The following CD276 variants were observed in gnomAD, a reference collection of about 807,000 sequenced individuals.
CD276 encodes CD276 molecule.
In CD276, 34 loss-of-function variants were observed where a neutral mutation model predicts 50.0. The ratio of observed to expected loss-of-function variants is 0.68; its 90% CI spans 0.52 to 0.91. CD276 has a LOEUF of 0.91. Ranked by LOEUF, CD276 falls within the 40% of genes least tolerant of loss-of-function variation. The pLI, the probability that CD276 is intolerant of heterozygous loss-of-function variation, is 0.00. For synonymous variants in CD276, 275 were observed against 313.0 expected (o/e 0.88, Z 1.28); for missense variants, 634 against 717.5 (o/e 0.88, Z 1.33).
Position 73,713,020 on chromosome 15 carries a change from G to A in CD276, c.*64G>A. The stretch of plus-strand genomic sequence containing the variant: ...CCTACCCTCTGGCTGCAATGGGGCT[G>A]CACTGTGAGCCCTGCCCCCAACAGA... On this transcript the variant is annotated 3_prime_UTR_variant, in exon 10 of 10. Coordinates refer to ENST00000318443, the MANE Select transcript of CD276 (RefSeq NM_001024736.2). 6.7e-7 allele frequency: 1 copy of A among 1,486,740 alleles called. No individual in the cohort carries two copies. Among genetic ancestry groups the A allele is most frequent in the Non-Finnish European group, 9.3e-7 (1 of 1,071,146 alleles). 92.1% of individuals were successfully genotyped at this position (1,486,740 alleles called of 1,614,324 possible). A position where few individuals can be genotyped will look rare whatever the true frequency, so the allele number is the denominator to read the frequency against.
intron 8 of CD276, 110 bp downstream of exon 8, chr15:73,709,799 A>G: frequency 2.6e-6 from 3 of 1,142,084 alleles, no homozygotes; most frequent in Non-Finnish European, 3.8e-6. Flanking sequence ...TTTGAATGAA[A>G]TGTGTTCTGT....
chr15:73,685,010 GA>G, intron 1 of CD276: 1 of 152,570 alleles, frequency 6.6e-6, no homozygotes, highest in Non-Finnish European at 1.5e-5. Context: ...CCAGCAGGGC[GA>G]AGGTGTGGGC....
intron 8 of CD276, among the ~76,000 whole-genome samples, chr15:73,710,443 G>C (rs1320672837): frequency 6.6e-6 from 1 of 152,194 alleles, no homozygotes; most frequent in African/African-American, 2.4e-5. Flanking sequence ...GCCCAGCTTG[G>C]GTGGGTGCCA....
intron 2 of CD276, among the ~76,000 whole-genome samples, chr15:73,700,875 G>A (rs868317539): frequency 2.6e-3 from 13 of 4,928 alleles, no homozygotes; most frequent in Non-Finnish European, 6.4e-3. Flanking sequence ...GGGTGGGGGG[G>A]TTCGCTTCCC....
chr15:73,702,205 C>A (rs1349982592), intron 2 of CD276, 50 bp from the exon 3 acceptor site: 2 of 1,430,506 alleles, frequency 1.4e-6, no homozygotes, highest in South Asian at 2.7e-5. Context: ...CTAGGGAGGC[C>A]CACCCCTCCT....
rs1424424366 is a variant in CD276, at chr15:73,704,662, T to C, written c.1369+190T>C. On this transcript the variant is annotated intron_variant, in intron 6 of 9. Coordinates refer to ENST00000318443, the MANE Select transcript of CD276 (RefSeq NM_001024736.2). The surrounding 1 kb of genome is among the most constrained non-coding windows in gnomAD (Gnocchi z 4.1). Reference sequence around the variant, plus strand: ...GCTGATAAGAACCATTTATAATGTTTGCCTTCCTAAGAGTGCTTTTCGTGG... The same window carrying C: ...GCTGATAAGAACCATTTATAATGTTCGCCTTCCTAAGAGTGCTTTTCGTGG... Among the ~76,000 whole-genome samples the C allele has an allele frequency of 1.3e-5, 2 of 152,216 alleles. No homozygotes were observed. Among genetic ancestry groups the C allele is most frequent in the South Asian group, 2.1e-4 (1 of 4,832 alleles).
intron 7 of CD276, 116 bp from the exon 8 acceptor site, chr15:73,709,532 G>C: frequency 1.0e-6 from 1 of 994,840 alleles, no homozygotes; most frequent in Non-Finnish European, 1.6e-6. Flanking sequence ...TTGGTCCGCA[G>C]GTCAGGCCCA....
At position 73,703,058 on chromosome 15, in the gene CD276, C is replaced by T. The variant is rs376623449; in HGVS notation, c.705C>T (p.Val235=). The T allele has an allele frequency of 1.7e-5, 27 of 1,609,618 alleles. No individual in the cohort carries two copies. In the African/African-American group the frequency reaches 3.3e-4, roughly 20 times the overall value. The change falls in exon 4 of 10, where the codon GTC becomes GTT. Residue 235 remains valine, a synonymous_variant. Transcript: ENST00000318443. ...TGCAGCAGGATGCGCACAGCTCTGT[C>T]ACCATCACACCCCAGAGAAGCCCCA... ...PVLQQDAHSS[V]TITPQRSPTG...
chr15:73,699,120 G>C (rs1442581481), intron 1 of CD276, among the ~76,000 whole-genome samples: 1 of 152,142 alleles, frequency 6.6e-6, no homozygotes, highest in Non-Finnish European at 1.5e-5. Context: ...AGCTCTGACC[G>C]TGTATTTCCC....
Position 73,699,846 on chromosome 15 carries a change from C to T in CD276, c.79+128C>T, listed in dbSNP as rs76067641. ...TAGCAGGGCCATACCTTACTTCCAC[C>T]TGTGGGATCCAGTAGGCAACTCACG... is the stretch of plus-strand genomic sequence containing the variant. On this transcript the variant is annotated intron_variant, in intron 2 of 9. Transcript: ENST00000318443. 9.8e-4 allele frequency: 1,092 copies of T among 1,119,276 alleles called. 5 individuals are homozygous for T. In the African/African-American group the frequency reaches 0.015, roughly 16 times the overall value. The allele number at this position is 1,119,276 out of a possible 1,614,324, so 69.3% of individuals were successfully genotyped here.
intron 1 of CD276, among the ~76,000 whole-genome samples, chr15:73,688,309 T>G (rs1899846919): frequency 6.6e-6 from 1 of 151,960 alleles, no homozygotes. Context: ...GCAATAATAA[T>G]AATTATTACT....
chr15:73,699,122 G>C (rs77215296), intron 1 of CD276, among the ~76,000 whole-genome samples: 6,731 of 152,254 alleles, frequency 0.044, 212 homozygotes, highest in Non-Finnish European at 0.07. Context: ...CTCTGACCGT[G>C]TATTTCCCTT....
At chr15:73,708,517 T>C in intron 7 of CD276, 44 bp downstream of exon 7, 1 of 1,579,596 alleles carries the variant, frequency 6.3e-7, no homozygotes. Context: ...CACACTTATG[T>C]GTCTTGGGGT....
In CD276 at chr15:73,713,136, C is replaced by G. The variant is rs1900977724; in HGVS notation, c.*180C>G. On this transcript the variant is annotated 3_prime_UTR_variant, in exon 10 of 10. Coordinates refer to ENST00000318443, the MANE Select transcript of CD276 (RefSeq NM_001024736.2). ...TTATTTCTCCAATGGACATGATTCCCAAGTCATCCTGCTGCCTTTTTTCTT... is the reference window on the plus strand; with the variant it reads ...TTATTTCTCCAATGGACATGATTCCGAAGTCATCCTGCTGCCTTTTTTCTT... 1 of 567,594 alleles carries G rather than the reference C, an allele frequency of 1.8e-6. No individual in the cohort carries two copies. The highest frequency in any genetic ancestry group is 2.6e-5 in the South Asian group (1 of 39,054). The allele number at this position is 567,594 out of a possible 1,614,324, so 35.2% of individuals were successfully genotyped here. A position where few individuals can be genotyped will look rare whatever the true frequency, so the allele number is the denominator to read the frequency against.
chr15:73,701,115 C>G (rs936820779), intron 2 of CD276, among the ~76,000 whole-genome samples: 3 of 151,392 alleles, frequency 2.0e-5, no homozygotes, highest in African/African-American at 7.3e-5. Context: ...AGGCTGGTCT[C>G]GAACGCCTGA....
At chr15:73,699,481 A>C in intron 1 of CD276, 105 bp from the exon 2 acceptor site, 1 of 1,432,270 alleles carries the variant, frequency 7.0e-7, no homozygotes, top group Non-Finnish European at 9.4e-7. Flanking sequence ...AGGACCTCCC[A>C]GTGGGCAGTT....
intron 2 of CD276, among the ~76,000 whole-genome samples, 183 bp downstream of exon 2, chr15:73,699,901 TG>T (rs1900312307): frequency 6.6e-6 from 1 of 152,216 alleles, no homozygotes; most frequent in Non-Finnish European, 1.5e-5. Flanking sequence ...TTTCCTTGTC[TG>T]TAAAATGGGA....
At chr15:73,702,021 G>C (rs1900409858) in intron 2 of CD276, among the ~76,000 whole-genome samples, 1 of 152,222 alleles carries the variant, frequency 6.6e-6, no homozygotes, top group Non-Finnish European at 1.5e-5. Context: ...AAGTTCTGTG[G>C]GGATGTGACC....
intron 1 of CD276, among the ~76,000 whole-genome samples, chr15:73,689,658 A>C (rs1021363213): frequency 2.6e-5 from 4 of 152,216 alleles, no homozygotes; most frequent in Admixed American, 6.5e-5. Context: ...ACAAATGAGC[A>C]AACTGAGGCT....
Sources: gnomAD v4.1 joint callset for allele counts (sites outside exome capture counted in the v4.1 genomes callset) on GRCh38, gnomAD v4.1.1 for gene constraint, Gnocchi (gnomAD v3.1) non-coding constraint, MANE v1.5 for transcripts, NCBI Gene and HGNC (gene_info 2026-07-23, HGNC 2026-07-21) for gene names.